SNTG1: variants seen among roughly 807,000 people sequenced by gnomAD.
The protein encoded by SNTG1 is gamma-1-syntrophin.
In SNTG1, 39 loss-of-function variants were observed where a neutral mutation model predicts 74.7. The observed-to-expected ratio is 0.52, with a 90% confidence interval of 0.40 to 0.68. The LOEUF (loss-of-function observed/expected upper bound fraction) is 0.68, where lower values mean the gene tolerates loss of function less well. Among genes scored for constraint, SNTG1 ranks in the 30% least tolerant of loss-of-function variants. SNTG1 has a pLI of 0.00. For synonymous variants in SNTG1, 254 were observed against 217.1 expected, an observed-to-expected ratio of 1.17 and a Z score of -1.49; for missense variants, 685 against 609.5, an observed-to-expected ratio of 1.12 and a Z score of -1.30.
chr8:50,102,654 T>A (rs1314198054), intron 1 of SNTG1, among the ~76,000 whole-genome samples: 1 of 149,604 alleles, frequency 6.7e-6, no homozygotes, highest in Non-Finnish European at 1.5e-5. Flanking sequence ...TCCTGAATGG[T>A]AATGCCTAGG....
chr8:50,046,161 G>A (rs557130157), intron 1 of SNTG1, among the ~76,000 whole-genome samples: 38 of 152,182 alleles, frequency 2.5e-4, no homozygotes, highest in African/African-American at 8.9e-4. Context: ...TCCTTCTTTC[G>A]ACATTTTTCA....
At chr8:49,973,471 A>C (rs1407707996) in intron 1 of SNTG1, among the ~76,000 whole-genome samples, 1 of 152,016 alleles carries the variant, frequency 6.6e-6, no homozygotes, top group African/African-American at 2.4e-5. Flanking sequence ...TATGTAACTA[A>C]CCTGCACGTT....
intron 1 of SNTG1, among the ~76,000 whole-genome samples, chr8:50,058,532 CAACT>C (rs1820212529): frequency 6.6e-6 from 1 of 152,144 alleles, no homozygotes; most frequent in African/African-American, 2.4e-5. Flanking sequence ...CAACTTTCCA[CAACT>C]ATCTTGAATC....
intron 12 of SNTG1, among the ~76,000 whole-genome samples, chr8:50,584,595 G>A (rs1417052771): frequency 1.3e-5 from 2 of 149,540 alleles, no homozygotes; most frequent in Non-Finnish European, 3.0e-5. Flanking sequence ...GACACTGAGA[G>A]AGTCCACACT....
Position 50,401,619 on chromosome 8 carries a change from T to G in SNTG1, c.28-591T>G, listed in dbSNP as rs569164026. 9.0e-3 allele frequency among the ~76,000 whole-genome samples: 1,375 copies of G among 152,154 alleles called. 26 individuals carry two copies. The highest frequency in any genetic ancestry group is 0.031 in the African/African-American group (1,303 of 41,510). On this transcript the variant is annotated intron_variant, in intron 3 of 18. Coordinates refer to ENST00000642720, the MANE Select transcript of SNTG1 (RefSeq NM_018967.5). ...TGTGTGTGTGTATGTGAGTGCGTGTTCATGCAAGTCTGTGCATGTGTGTAT... is the reference window on the plus strand; with the variant it reads ...TGTGTGTGTGTATGTGAGTGCGTGTGCATGCAAGTCTGTGCATGTGTGTAT...
At chr8:50,479,202 G>A (rs2093720313) in intron 8 of SNTG1, among the ~76,000 whole-genome samples, 1 of 151,862 alleles carries the variant, frequency 6.6e-6, no homozygotes, top group African/African-American at 2.4e-5. Context: ...GTAGTTTGGG[G>A]ATGATTTTGT....
At chr8:50,632,298 T>C (rs1236212737) in intron 13 of SNTG1, among the ~76,000 whole-genome samples, 1 of 150,446 alleles carries the variant, frequency 6.6e-6, no homozygotes, top group South Asian at 2.1e-4. Flanking sequence ...TATTTATTTA[T>C]TTATTTATTT....
intron 2 of SNTG1, among the ~76,000 whole-genome samples, chr8:50,253,318 G>A (rs1055626521): frequency 6.6e-6 from 1 of 152,102 alleles, no homozygotes; most frequent in Non-Finnish European, 1.5e-5. Context: ...AGCTACTCAG[G>A]AGGCTGAGAC....
In SNTG1 at chr8:49,967,505, T is replaced by A. The variant is rs185067275; in HGVS notation, c.-103+55274T>A. The stretch of plus-strand genomic sequence containing the variant: ...TGCAAGTTTTTCATCTGATAAAATC[T>A]TCACTTTTCATTGATTTTTGTTCTC... On this transcript the variant is annotated intron_variant, in intron 1 of 18. Transcript: ENST00000642720. 3.6e-3 allele frequency among the ~76,000 whole-genome samples: 545 copies of A among 152,336 alleles called. 3 individuals carry two copies. Among genetic ancestry groups the A allele is most frequent in the African/African-American group, 0.013 (520 of 41,588 alleles).
At chr8:50,487,522 G>A (rs1049427253) in intron 8 of SNTG1, among the ~76,000 whole-genome samples, 2 of 152,138 alleles carry the variant, frequency 1.3e-5, no homozygotes, top group African/African-American at 4.8e-5. Context: ...AAAATGATGA[G>A]TTCATGTCTT....
rs541428953 is a variant in SNTG1 at position 50,308,400 on chromosome 8, C to G, written c.-27-85812C>G. On this transcript the variant is annotated intron_variant, in intron 2 of 18. Coordinates refer to ENST00000642720, the MANE Select transcript of SNTG1 (RefSeq NM_018967.5). The stretch of plus-strand genomic sequence containing the variant: ...TGCCATGCAAGGCCTATAGAGTTCA[C>G]TTGTATTTTCTTCTTGACCAAGCAA... Among the ~76,000 whole-genome samples, 11 of 152,064 alleles carry G rather than the reference C, an allele frequency of 7.2e-5. No homozygotes were observed. In the East Asian group the frequency reaches 1.7e-3, roughly 24 times the overall value.
At chr8:50,079,927 A>G (rs775409733) in intron 1 of SNTG1, among the ~76,000 whole-genome samples, 1 of 152,184 alleles carries the variant, frequency 6.6e-6, no homozygotes, top group Non-Finnish European at 1.5e-5. Flanking sequence ...TGGTATTAGT[A>G]CTATGCTGTT....
chr8:50,744,678 G>T (rs1268216736), intron 17 of SNTG1, among the ~76,000 whole-genome samples: 1 of 151,984 alleles, frequency 6.6e-6, no homozygotes, highest in African/African-American at 2.4e-5. Context: ...AATTAAAATA[G>T]TGTTGTCCTG....
At position 50,218,003 on chromosome 8, in the gene SNTG1, C is replaced by T. The variant is rs1054648489; in HGVS notation, c.-28+45368C>T. On this transcript the variant is annotated intron_variant, in intron 2 of 18. Transcript: ENST00000642720. ...AATAAAATCAAATATAACAAAAATA[C>T]CAAGTCACCTCAGACCTTGAAATGA... 7.2e-5 allele frequency among the ~76,000 whole-genome samples: 11 copies of T among 152,150 alleles called. 1 individual carries two copies. Among genetic ancestry groups the T allele is most frequent in the African/African-American group, 2.7e-4 (11 of 41,444 alleles).
intron 1 of SNTG1, among the ~76,000 whole-genome samples, chr8:49,944,071 T>G (rs1234376690): frequency 1.3e-5 from 2 of 152,310 alleles, no homozygotes; most frequent in Admixed American, 1.3e-4. Flanking sequence ...AAAATATGTT[T>G]AAATGTCCCC....
chr8:50,251,427 T>C (rs1039370167), intron 2 of SNTG1, among the ~76,000 whole-genome samples: 4 of 151,864 alleles, frequency 2.6e-5, no homozygotes, highest in African/African-American at 9.7e-5. Context: ...CAATTTAGGT[T>C]TAGAGTAGTT....
At chr8:50,106,181 C>T (rs2080362650) in intron 1 of SNTG1, among the ~76,000 whole-genome samples, 1 of 151,920 alleles carries the variant, frequency 6.6e-6, no homozygotes, top group Non-Finnish European at 1.5e-5. Flanking sequence ...AATGGGAGGC[C>T]TAAGGAAACT....
intron 2 of SNTG1, among the ~76,000 whole-genome samples, chr8:50,243,723 A>G (rs537074289): frequency 6.6e-6 from 1 of 152,100 alleles, no homozygotes; most frequent in Non-Finnish European, 1.5e-5. Context: ...ATACACACAG[A>G]TTACATGTTC....
intron 2 of SNTG1, among the ~76,000 whole-genome samples, chr8:50,354,072 C>A (rs996249946): frequency 3.9e-5 from 6 of 152,158 alleles, no homozygotes; most frequent in Non-Finnish European, 8.8e-5. Context: ...CAAAGCAGGA[C>A]TTTCCATTTC....
Sources: allele counts gnomAD v4.1 joint callset (sites outside exome capture counted in the v4.1 genomes callset), GRCh38; gene constraint gnomAD v4.1.1; transcripts MANE v1.5; gene names NCBI Gene and HGNC (gene_info 2026-07-23, HGNC 2026-07-21).